KIF2A: variants seen among roughly 807,000 people sequenced by gnomAD.
The protein encoded by KIF2A is kinesin family member 2A.
In KIF2A, 22 loss-of-function variants were observed where a neutral mutation model predicts 100.2. The ratio of observed to expected loss-of-function variants is 0.22; its 90% CI spans 0.16 to 0.31. KIF2A has a LOEUF of 0.31. KIF2A is among the 10% of genes least tolerant of loss of function. The pLI is 1.00. For missense variants in KIF2A, 495 were observed against 898.7 expected (o/e 0.55, Z 5.74); for synonymous variants, 268 against 285.9 (o/e 0.94, Z 0.63).
chr5:62,347,233 A>C lies in KIF2A; in HGVS notation c.159+9A>C. Reference sequence around the variant, plus strand: ...ATACAAAAGGCAAAGAGGTAAGATCACTGAGTTTAATTTTATTCCTAGTCC... The same window carrying C: ...ATACAAAAGGCAAAGAGGTAAGATCCCTGAGTTTAATTTTATTCCTAGTCC... On this transcript the variant is annotated intron_variant, in intron 2 of 20. Transcript: ENST00000407818. The C allele has an allele frequency of 2.8e-6, 4 of 1,433,474 alleles. No homozygotes were observed. Among genetic ancestry groups the C allele is most frequent in the Non-Finnish European group, 3.9e-6 (4 of 1,028,776 alleles). The allele number at this position is 1,433,474 out of a possible 1,614,324, so 88.8% of individuals were successfully genotyped here.
chr5:62,373,496 A>G (rs1741407786), intron 17 of KIF2A, among the ~76,000 whole-genome samples, 191 bp from the exon 18 acceptor site: 1 of 152,194 alleles, frequency 6.6e-6, no homozygotes, highest in South Asian at 2.1e-4. Context: ...ATATAAAGTT[A>G]CCTAAGCAGA....
chr5:62,367,082 A>G (rs913603286), intron 16 of KIF2A, among the ~76,000 whole-genome samples: 1 of 152,192 alleles, frequency 6.6e-6, no homozygotes, highest in South Asian at 2.1e-4. Context: ...CATTTAAATC[A>G]TGCAAATTCT....
chr5:62,352,452 A>C, intron 4 of KIF2A, 136 bp from the exon 5 acceptor site: 1 of 541,112 alleles, frequency 1.8e-6, no homozygotes, highest in Non-Finnish European at 3.2e-6. Context: ...TATTTTACAT[A>C]CATAAATAGA....
intron 1 of KIF2A, among the ~76,000 whole-genome samples, chr5:62,337,516 C>A (rs779111496): frequency 6.6e-6 from 1 of 151,518 alleles, no homozygotes; most frequent in African/African-American, 2.4e-5. Context: ...ATTAGTATAA[C>A]CATGATACCA....
intron 6 of KIF2A, 128 bp from the exon 7 acceptor site, chr5:62,355,031 A>G: frequency 7.1e-6 from 4 of 562,740 alleles, no homozygotes; most frequent in South Asian, 2.7e-5. Flanking sequence ...ACTATATAAT[A>G]TCGTCAGTTT....
At chr5:62,326,424 A>G (rs1746382647) in intron 1 of KIF2A, among the ~76,000 whole-genome samples, 1 of 152,098 alleles carries the variant, frequency 6.6e-6, no homozygotes, top group Non-Finnish European at 1.5e-5. Context: ...TTCACCACCA[A>G]GAAATATAAA....
In KIF2A at chr5:62,306,332, C is replaced by A. The variant is rs1439969948; in HGVS notation, c.-141C>A. ...TTCCCCACAGCTGCTCCTTGCGGCC[C>A]CGCTTGCGTTCACGCTGTCGCCCGG... On this transcript the variant is annotated 5_prime_UTR_variant, in exon 1 of 21. Coordinates refer to ENST00000407818, the MANE Select transcript of KIF2A (RefSeq NM_001098511.3). The A allele has an allele frequency of 2.9e-6, 2 of 679,946 alleles. No homozygotes were observed. Among genetic ancestry groups the A allele is most frequent in the Non-Finnish European group, 2.6e-6 (1 of 392,154 alleles). 42.1% of individuals were successfully genotyped at this position (679,946 alleles called of 1,614,324 possible). A position where few individuals can be genotyped will look rare whatever the true frequency, so the allele number is the denominator to read the frequency against.
At chr5:62,368,842 C>A (rs1352080033) in intron 16 of KIF2A, among the ~76,000 whole-genome samples, 1 of 151,198 alleles carries the variant, frequency 6.6e-6, no homozygotes, top group Non-Finnish European at 1.5e-5. Flanking sequence ...AAATTTAATC[C>A]CTTTAAAGTT....
intron 3 of KIF2A, among the ~76,000 whole-genome samples, chr5:62,349,158 G>A (rs1747721407): frequency 6.6e-6 from 1 of 151,842 alleles, no homozygotes; most frequent in Admixed American, 6.6e-5. Context: ...GAGGATTTTT[G>A]TAGTTTATTC....
At chr5:62,343,740 G>A (rs143119577) in intron 1 of KIF2A, among the ~76,000 whole-genome samples, 141 of 152,310 alleles carry the variant, frequency 9.3e-4, no homozygotes, top group African/African-American at 3.3e-3. Flanking sequence ...TTGGTAGCTT[G>A]CACCAAGATG....
intron 18 of KIF2A, among the ~76,000 whole-genome samples, chr5:62,377,002 G>T (rs1197151029): frequency 6.6e-6 from 1 of 152,164 alleles, no homozygotes; most frequent in Non-Finnish European, 1.5e-5. Context: ...TGTATTTTCA[G>T]TCTGCATTGG....
chr5:62,317,684 T>G (rs1745886760), intron 1 of KIF2A, among the ~76,000 whole-genome samples: 1 of 152,220 alleles, frequency 6.6e-6, no homozygotes, highest in South Asian at 2.1e-4. Context: ...ATACTTTTTA[T>G]TAATCAGGTG....
At chr5:62,313,706 A>C (rs1441862468) in intron 1 of KIF2A, among the ~76,000 whole-genome samples, 1 of 152,134 alleles carries the variant, frequency 6.6e-6, no homozygotes, top group South Asian at 2.1e-4. Flanking sequence ...TAGTCTGCCA[A>C]TTGAAATTGG....
intron 1 of KIF2A, chr5:62,308,252 T>C (rs1471577792): frequency 2.0e-6 from 2 of 1,003,378 alleles, no homozygotes. Flanking sequence ...AGGTTTCTTT[T>C]ATATTTTCTC....
chr5:62,379,659 GAAAAA>G (rs34005703), intron 19 of KIF2A, among the ~76,000 whole-genome samples: 1 of 133,976 alleles, frequency 7.5e-6, no homozygotes, highest in Non-Finnish European at 1.6e-5. Context: ...TGAAACTCAG[GAAAAA>G]AAAAAAAAAG....
chr5:62,315,058 C>T (rs1043386606), intron 1 of KIF2A, among the ~76,000 whole-genome samples: 3 of 151,980 alleles, frequency 2.0e-5, no homozygotes, highest in African/African-American at 7.3e-5. Context: ...CCACTACACC[C>T]GGCCTTATGC....
In KIF2A at chr5:62,362,506, G is replaced by GT; in HGVS notation, c.1085dup (p.Tyr363IlefsTer6). ...AAACTATAAGAAGCTAGAACTTCAAGTATATGCAACCTTCTTTGAAATTTA... is the reference window on the plus strand; with the variant it reads ...AAACTATAAGAAGCTAGAACTTCAAGTTATATGCAACCTTCTTTGAAATTTA... On this transcript the variant is annotated frameshift_variant, in exon 12 of 21. Coordinates refer to ENST00000407818, the MANE Select transcript of KIF2A (RefSeq NM_001098511.3). LOFTEE classifies it high-confidence loss of function. The GT allele has an allele frequency of 6.8e-7, 1 of 1,459,924 alleles. No homozygotes were observed. The highest frequency in any genetic ancestry group is 9.0e-7 in the Non-Finnish European group (1 of 1,108,116). 90.4% of individuals were successfully genotyped at this position (1,459,924 alleles called of 1,614,324 possible).
At chr5:62,379,032 T>A (rs979182026) in intron 19 of KIF2A, among the ~76,000 whole-genome samples, 16 of 150,868 alleles carry the variant, frequency 1.1e-4, no homozygotes, top group Admixed American at 3.3e-4. Flanking sequence ...TCCCAGCACT[T>A]TGGGAGGCCA....
chr5:62,306,392 A>G lies in KIF2A; in HGVS notation c.-81A>G, dbSNP rs563434700. 2,865 of 326,330 alleles carry G rather than the reference A, an allele frequency of 8.8e-3. 12 individuals carry two copies. Among genetic ancestry groups the G allele is most frequent in the Middle Eastern group, 0.013 (18 of 1,428 alleles). The allele number at this position is 326,330 out of a possible 1,614,324, so 20.2% of individuals were successfully genotyped here. A position where few individuals can be genotyped will look rare whatever the true frequency, so the allele number is the denominator to read the frequency against. On this transcript the variant is annotated 5_prime_UTR_variant, in exon 1 of 21. Transcript: ENST00000407818. ...GCCGCGGGCAACCGCTCCCCCTCCC[A>G]CACCTACCCCGCCCCCTCCCCGCCT... is the stretch of plus-strand genomic sequence containing the variant.
Sources: gnomAD v4.1 joint callset for allele counts (sites outside exome capture counted in the v4.1 genomes callset) on GRCh38, gnomAD v4.1.1 for gene constraint, MANE v1.5 for transcripts, NCBI Gene and HGNC (gene_info 2026-07-23, HGNC 2026-07-21) for gene names.